The following PRKAR1B variants were observed in gnomAD, a reference collection of about 807,000 sequenced individuals.
PRKAR1B encodes cAMP-dependent protein kinase type I-beta regulatory subunit.
Under a neutral mutation model 46.5 loss-of-function variants are expected in PRKAR1B, and 22 were observed. That is an observed-to-expected ratio of 0.47 (90% CI 0.34 to 0.68). The LOEUF is 0.68. Ranked by LOEUF, PRKAR1B falls within the 30% of genes least tolerant of loss-of-function variation. The pLI is 0.01. For missense variants in PRKAR1B, 445 were observed against 535.6 expected, an observed-to-expected ratio of 0.83 and a Z score of 1.67; for synonymous variants, 259 against 217.7, an observed-to-expected ratio of 1.19 and a Z score of -1.67.
At position 677,288 on chromosome 7, in the gene PRKAR1B, C is replaced by A. The variant is rs748586275; in HGVS notation, c.381G>T (p.Ala127=). The change falls in exon 4 of 11, where the codon GCG becomes GCT. Residue 127 remains alanine (A), a synonymous_variant. Transcript: ENST00000537384. ...CGTTCTTGGAGATGGCCTTGGCCAGCGCAGTCATGGTTTTGTAGTCCTTGG... is the reference window on the plus strand; with the variant it reads ...CGTTCTTGGAGATGGCCTTGGCCAGAGCAGTCATGGTTTTGTAGTCCTTGG... ...VIPKDYKTMT[A]LAKAISKNVL... 6 of 1,614,248 alleles carry A rather than the reference C, an allele frequency of 3.7e-6. No individual in the cohort carries two copies. The Admixed American group carries it at 8.3e-5, about 22-fold the overall frequency.
chr7:690,478 T>C (rs1012344011), intron 2 of PRKAR1B, among the ~76,000 whole-genome samples: 1 of 151,856 alleles, frequency 6.6e-6, no homozygotes, highest in Non-Finnish European at 1.5e-5. Context: ...AAAAAGAAAT[T>C]AAATAAGAAG....
chr7:660,670 C>G (rs1209934038), intron 4 of PRKAR1B, among the ~76,000 whole-genome samples: 28 of 136,052 alleles, frequency 2.1e-4, no homozygotes, highest in African/African-American at 7.0e-4. Context: ...ACTCTCCCCC[C>G]CATGCCACAG....
At chr7:561,073 T>TGC (rs1367681952) in intron 9 of PRKAR1B, among the ~76,000 whole-genome samples, 5 of 151,934 alleles carry the variant, frequency 3.3e-5, no homozygotes, top group Non-Finnish European at 7.4e-5. Flanking sequence ...CGCAAACACC[T>TGC]GCGCACACAC....
chr7:581,292 C>T (rs1365075278), intron 8 of PRKAR1B, among the ~76,000 whole-genome samples: 2 of 126,032 alleles, frequency 1.6e-5, no homozygotes, highest in Non-Finnish European at 3.2e-5. Context: ...AACAGAGCAA[C>T]ACTCTGTCTC....
intron 4 of PRKAR1B, among the ~76,000 whole-genome samples, chr7:664,791 G>A (rs951646514): frequency 6.6e-6 from 1 of 152,056 alleles, no homozygotes; most frequent in East Asian, 1.9e-4. Flanking sequence ...GTGCACGCCT[G>A]TGGCCCCAGC....
chr7:701,026 TA>T (rs1280949054), intron 2 of PRKAR1B, among the ~76,000 whole-genome samples: 1 of 151,580 alleles, frequency 6.6e-6, no homozygotes, highest in African/African-American at 2.4e-5. Context: ...CATCTCTAAG[TA>T]AAATACAAAA....
intron 3 of PRKAR1B, among the ~76,000 whole-genome samples, chr7:678,575 G>A (rs149205570): frequency 2.0e-3 from 304 of 152,296 alleles, no homozygotes; most frequent in Non-Finnish European, 3.4e-3. Context: ...GATATCCCCC[G>A]CTTAAAATGA....
intron 1 of PRKAR1B, among the ~76,000 whole-genome samples, chr7:724,830 C>T (rs1033315253): frequency 6.6e-6 from 1 of 152,316 alleles, no homozygotes; most frequent in East Asian, 1.9e-4. Context: ...CATCCTGTCC[C>T]ACATGTTGCA....
chr7:663,184 A>G (rs1362984610), intron 4 of PRKAR1B, among the ~76,000 whole-genome samples: 1 of 152,182 alleles, frequency 6.6e-6, no homozygotes, highest in Non-Finnish European at 1.5e-5. Context: ...CACCCATGAG[A>G]CAACCAGACA....
chr7:586,310 CGATGAATAGGGCTGACG>C (rs1780594197), intron 7 of PRKAR1B, among the ~76,000 whole-genome samples: 1 of 151,396 alleles, frequency 6.6e-6, no homozygotes, highest in Non-Finnish European at 1.5e-5. Context: ...CTCTGTCCCA[CGATGAATAGGGCTGACG>C]GATGCAACTA....
intron 6 of PRKAR1B, among the ~76,000 whole-genome samples, chr7:604,853 G>C (rs572366343): frequency 9.2e-5 from 14 of 151,996 alleles, no homozygotes; most frequent in Admixed American, 2.6e-4. Flanking sequence ...AGGTGGACAA[G>C]GAGAAGGGCA....
chr7:713,794 T>C (rs140189552), intron 1 of PRKAR1B, among the ~76,000 whole-genome samples: 47 of 152,274 alleles, frequency 3.1e-4, no homozygotes, highest in African/African-American at 1.1e-3. Flanking sequence ...AGGGCTGACA[T>C]TGCCTCAGCC....
intron 1 of PRKAR1B, among the ~76,000 whole-genome samples, chr7:713,654 C>T (rs891118120): frequency 6.6e-6 from 1 of 152,188 alleles, no homozygotes; most frequent in Admixed American, 6.5e-5. Flanking sequence ...GTCTCTCACT[C>T]AGCCCTCCCA....
At chr7:650,607 G>A (rs941708502) in intron 4 of PRKAR1B, among the ~76,000 whole-genome samples, 5 of 152,208 alleles carry the variant, frequency 3.3e-5, no homozygotes, top group Non-Finnish European at 7.3e-5. Context: ...CGAACAGCGT[G>A]GGGCACCTGT....
chr7:638,828 G>C (rs2128483827), intron 4 of PRKAR1B, among the ~76,000 whole-genome samples: 1 of 152,310 alleles, frequency 6.6e-6, no homozygotes, highest in South Asian at 2.1e-4. Flanking sequence ...TGTAGTCCCA[G>C]CACTTTGGGA....
At chr7:684,216 G>A (rs936836997) in intron 2 of PRKAR1B, among the ~76,000 whole-genome samples, 5 of 152,126 alleles carry the variant, frequency 3.3e-5, no homozygotes, top group Admixed American at 2.6e-4. Flanking sequence ...ACCTCTGCCT[G>A]TGCCAGCCAA....
intron 2 of PRKAR1B, among the ~76,000 whole-genome samples, chr7:688,567 G>A (rs926029460): frequency 5.3e-5 from 8 of 152,098 alleles, no homozygotes; most frequent in Admixed American, 6.6e-5. Context: ...GCTCTCTGCT[G>A]TCCTCCCACA....
intron 4 of PRKAR1B, among the ~76,000 whole-genome samples, chr7:676,391 G>A (rs1180786139): frequency 1.3e-5 from 2 of 152,092 alleles, no homozygotes; most frequent in Non-Finnish European, 2.9e-5. Context: ...CCGAGCTCCC[G>A]GCACAGGCAG....
At chr7:647,120 G>A (rs752270343) in intron 4 of PRKAR1B, among the ~76,000 whole-genome samples, 16 of 152,168 alleles carry the variant, frequency 1.1e-4, no homozygotes, top group South Asian at 4.1e-4. Flanking sequence ...TCTCTCCCAC[G>A]TCCTACAGGG....
Sources: allele counts gnomAD v4.1 joint callset (sites outside exome capture counted in the v4.1 genomes callset), GRCh38; gene constraint gnomAD v4.1.1; transcripts MANE v1.5; gene names NCBI Gene and HGNC (gene_info 2026-07-23, HGNC 2026-07-21).